Variants in PPP1R12B observed in about 807,000 individuals in gnomAD.
PPP1R12B encodes myosin phosphatase target subunit 2.
A neutral mutation model predicts 126.1 loss-of-function variants in PPP1R12B; 76 were observed. The ratio of observed to expected loss-of-function variants is 0.60; its 90% confidence interval spans 0.50 to 0.73. The LOEUF (loss-of-function observed/expected upper bound fraction) is 0.73. PPP1R12B is among the 30% of genes least tolerant of loss of function. The pLI is 0.00. For synonymous variants in PPP1R12B, 356 were observed against 434.7 expected, an observed-to-expected ratio of 0.82 and a Z score of 2.25; for missense variants, 1,052 against 1,205.1, an observed-to-expected ratio of 0.87 and a Z score of 1.88.
chr1:202,390,133 C>T (rs940657161), intron 1 of PPP1R12B, among the ~76,000 whole-genome samples: 13 of 152,072 alleles, frequency 8.5e-5, no homozygotes, highest in African/African-American at 2.9e-4. Flanking sequence ...GAAATCCGTG[C>T]AACTATGGTC....
chr1:202,574,372 T>C (rs1688899451), intron 23 of PPP1R12B, among the ~76,000 whole-genome samples: 1 of 152,092 alleles, frequency 6.6e-6, no homozygotes, highest in Admixed American at 6.6e-5. Flanking sequence ...TATCCAGGTA[T>C]GGTGGTGCAT....
At chr1:202,487,789 G>A (rs1043460222) in intron 13 of PPP1R12B, among the ~76,000 whole-genome samples, 1 of 151,936 alleles carries the variant, frequency 6.6e-6, no homozygotes, top group Non-Finnish European at 1.5e-5. Context: ...TGTATTTTTA[G>A]TAGAGACAGG....
intron 19 of PPP1R12B, among the ~76,000 whole-genome samples, chr1:202,561,518 G>A (rs1572513128): frequency 6.6e-6 from 1 of 152,164 alleles, no homozygotes; most frequent in East Asian, 1.9e-4. Context: ...ATAGAACTAT[G>A]TATTTTAACA....
chr1:202,490,347 C>A (rs977250468), intron 14 of PPP1R12B, among the ~76,000 whole-genome samples: 10 of 152,276 alleles, frequency 6.6e-5, no homozygotes, highest in Non-Finnish European at 1.2e-4. Context: ...TTGTTGTCTT[C>A]TTTGACTCTC....
chr1:202,368,494 T>C (rs1464918480), intron 1 of PPP1R12B, among the ~76,000 whole-genome samples: 1 of 152,136 alleles, frequency 6.6e-6, no homozygotes, highest in African/African-American at 2.4e-5. Flanking sequence ...GGTATTTCTT[T>C]ATAGCAACAC....
At chr1:202,491,582 A>G (rs1350820363) in intron 14 of PPP1R12B, among the ~76,000 whole-genome samples, 1 of 152,246 alleles carries the variant, frequency 6.6e-6, no homozygotes, top group Non-Finnish European at 1.5e-5. Context: ...TGGGAAATAA[A>G]TGATAGGGAA....
chr1:202,508,395 A>G lies in PPP1R12B; in HGVS notation c.2490+11573A>G, dbSNP rs1251763351. ...GAACTCTTACACCTTAAACTATGTC[A>G]GTATTATTGGCTACCAAGAGGAAAG... On this transcript the variant is annotated intron_variant, in intron 18 of 23. Coordinates refer to ENST00000608999, the MANE Select transcript of PPP1R12B (RefSeq NM_002481.4). This position sits in a 1 kb window ranked among gnomAD's most constrained non-coding sequence, Gnocchi z 4.5. Among the ~76,000 whole-genome samples, 1 of 152,224 alleles carries G rather than the reference A, an allele frequency of 6.6e-6. No homozygotes were observed. The highest frequency in any genetic ancestry group is 1.5e-5 in the Non-Finnish European group (1 of 68,034).
intron 1 of PPP1R12B, among the ~76,000 whole-genome samples, chr1:202,383,811 A>G (rs1662715768): frequency 6.6e-6 from 1 of 152,220 alleles, no homozygotes; most frequent in African/African-American, 2.4e-5. Flanking sequence ...TTATCTTCAC[A>G]TTGATACATA....
chr1:202,447,981 C>A (rs1410894582), intron 12 of PPP1R12B, among the ~76,000 whole-genome samples: 1 of 146,144 alleles, frequency 6.8e-6, no homozygotes, highest in African/African-American at 2.5e-5. Flanking sequence ...AAATATTCTG[C>A]CTTTATGTTT....
intron 18 of PPP1R12B, among the ~76,000 whole-genome samples, chr1:202,519,597 C>T (rs1053511286): frequency 1.6e-4 from 25 of 152,170 alleles, no homozygotes; most frequent in African/African-American, 5.6e-4. Flanking sequence ...TTAATCCACT[C>T]TTAACTTCCA....
At chr1:202,535,678 T>C (rs750354466) in intron 18 of PPP1R12B, among the ~76,000 whole-genome samples, 18 of 152,226 alleles carry the variant, frequency 1.2e-4, no homozygotes, top group Non-Finnish European at 2.2e-4. Context: ...ATAGATGAAC[T>C]CAACATCCTA....
intron 20 of PPP1R12B, 48 bp downstream of exon 20, chr1:202,562,970 C>T: frequency 2.0e-6 from 3 of 1,493,876 alleles, no homozygotes; most frequent in Non-Finnish European, 2.7e-6. Context: ...ATGTAAACCT[C>T]TCAGCCTTCC....
chr1:202,358,603 A>G (rs1657557519), intron 1 of PPP1R12B, among the ~76,000 whole-genome samples: 1 of 150,660 alleles, frequency 6.6e-6, no homozygotes, highest in African/African-American at 2.4e-5. Flanking sequence ...AATCACTTGA[A>G]CCCGGGAGGT....
intron 1 of PPP1R12B, among the ~76,000 whole-genome samples, chr1:202,378,397 A>C (rs1172710126): frequency 6.6e-6 from 1 of 151,862 alleles, no homozygotes; most frequent in Admixed American, 6.6e-5. Flanking sequence ...CCACTCTGCT[A>C]CTTTGCTCCA....
chr1:202,502,082 A>G, intron 18 of PPP1R12B: 1 of 985,740 alleles, frequency 1.0e-6, no homozygotes, highest in Non-Finnish European at 1.2e-6. Flanking sequence ...GCTTTTAGAT[A>G]AATCAGGTGG....
At position 202,501,102 on chromosome 1, in the gene PPP1R12B, C is replaced by T. The variant is rs76550982; in HGVS notation, c.2490+4280C>T. On this transcript the variant is annotated intron_variant, in intron 18 of 23. Coordinates refer to ENST00000608999, the MANE Select transcript of PPP1R12B (RefSeq NM_002481.4). ...AAAACAATTCTGTTTTGTTTATCCA[C>T]GTTAGGTATATGACAGTCTCTGAGA... 2.1e-3 allele frequency among the ~76,000 whole-genome samples: 317 copies of T among 152,274 alleles called. 1 individual carries two copies. The highest frequency in any genetic ancestry group is 7.4e-3 in the African/African-American group (308 of 41,558).
rs555950771 is a variant in PPP1R12B, at chr1:202,538,122, TA to T, written c.2491-20754del. On this transcript the variant is annotated intron_variant, in intron 18 of 23. Coordinates refer to ENST00000608999, the MANE Select transcript of PPP1R12B (RefSeq NM_002481.4). ...TCTCCTGCCTCAGCCTCCTGTGTAG[TA>T]GCTGGGACTACAGGTGCCCCCCACA... is the stretch of plus-strand genomic sequence containing the variant. Among the ~76,000 whole-genome samples the T allele has an allele frequency of 4.8e-4, 73 of 152,338 alleles. No individual in the cohort carries two copies. The East Asian group carries it at 0.014, about 29-fold the overall frequency.
rs557611471 is a variant in PPP1R12B at position 202,589,160 on chromosome 1, G to C, written c.*8600G>C. On this transcript the variant is annotated 3_prime_UTR_variant, in exon 24 of 24. Transcript: ENST00000608999. ...AACTACAAATGTAGTTAACTTGGGG[G>C]CTATTGAAGGTTAAATCTAAACTCA... 6.6e-6 allele frequency: 1 copy of C among 152,308 alleles called. No homozygotes were observed. Among genetic ancestry groups the C allele is most frequent in the South Asian group, 2.1e-4 (1 of 4,820 alleles). 9.4% of individuals were successfully genotyped at this position (152,308 alleles called of 1,614,324 possible). A position where few individuals can be genotyped will look rare whatever the true frequency, so the allele number is the denominator to read the frequency against.
chr1:202,374,639 C>G (rs561225409), intron 1 of PPP1R12B, among the ~76,000 whole-genome samples: 1 of 151,948 alleles, frequency 6.6e-6, no homozygotes, highest in Admixed American at 6.6e-5. Flanking sequence ...GCTGGGGCTA[C>G]AGGTGCATGC....
Sources: allele counts gnomAD v4.1 joint callset (sites outside exome capture counted in the v4.1 genomes callset), GRCh38; gene constraint gnomAD v4.1.1; non-coding constraint Gnocchi (gnomAD v3.1); transcripts MANE v1.5; gene names NCBI Gene and HGNC (gene_info 2026-07-23, HGNC 2026-07-21).